Variants in CROCC observed in about 807,000 individuals in gnomAD.
CROCC encodes ciliary rootlet coiled-coil, rootletin.
Under a neutral mutation model 245.2 loss-of-function variants are expected in CROCC, and 180 were observed. The ratio of observed to expected loss-of-function variants is 0.73; its 90% confidence interval spans 0.65 to 0.83. The LOEUF (loss-of-function observed/expected upper bound fraction) is 0.83, where lower values mean the gene tolerates loss of function less well. Ranked by LOEUF, CROCC falls within the 40% of genes least tolerant of loss-of-function variation. The pLI, the probability that CROCC is intolerant of heterozygous loss-of-function variation, is 0.00. For missense variants in CROCC, 2,688 were observed against 2,779.4 expected, an observed-to-expected ratio of 0.97 and a Z score of 0.74; for synonymous variants, 1,205 against 1,241.6, an observed-to-expected ratio of 0.97 and a Z score of 0.62.
At chr1:16,955,026 A>C in intron 23 of CROCC, 149 bp downstream of exon 23, 1 of 1,103,616 alleles carries the variant, frequency 9.1e-7, no homozygotes, top group Non-Finnish European at 1.3e-6. Context: ...GGCAGCAAGC[A>C]CTACGAAGCA....
At position 16,946,899 on chromosome 1, in the gene CROCC, C is replaced by CTACG; in HGVS notation, c.2423_2426dup (p.Val810ThrfsTer20). 2 of 1,565,622 alleles carry CTACG rather than the reference C, an allele frequency of 1.3e-6. No homozygotes were observed. On this transcript the variant is annotated frameshift_variant, in exon 17 of 37. Transcript: ENST00000375541. LOFTEE classifies it high-confidence loss of function. ...GGCGCGGCAGGGCCTGGAGGGCTCC[C>CTACG]TACGAGTGGCGGAGCAGGCCCAGGA... is the stretch of plus-strand genomic sequence containing the variant.
At chr1:16,952,108 C>T (rs528974996) in intron 20 of CROCC, among the ~76,000 whole-genome samples, 13 of 151,426 alleles carry the variant, frequency 8.6e-5, no homozygotes, top group Admixed American at 4.6e-4. Flanking sequence ...CAGGGTGTCT[C>T]GAACTTTTGA....
intron 31 of CROCC, 52 bp from the exon 32 acceptor site, chr1:16,969,063 GT>G (rs1368175528): frequency 6.6e-7 from 1 of 1,523,020 alleles, no homozygotes; most frequent in East Asian, 2.4e-5. Flanking sequence ...GGGAGCAGAG[GT>G]ATAGAGGCCA....
At position 16,926,926 on chromosome 1, in the gene CROCC, G is replaced by A. The variant is rs34438479; in HGVS notation, c.351+2447G>A. Among the ~76,000 whole-genome samples the A allele has an allele frequency of 2.1e-3, 314 of 152,342 alleles. No homozygotes were observed. In the Middle Eastern group the frequency reaches 0.027, roughly 13 times the overall value. On this transcript the variant is annotated intron_variant, in intron 3 of 36. Coordinates refer to ENST00000375541, the MANE Select transcript of CROCC (RefSeq NM_014675.5). ...AAAATTGAAAGGCTGTTTTGCTCAC[G>A]GTGAAGTTTGTGGAAAGGGGTGAGG...
intron 25 of CROCC, among the ~76,000 whole-genome samples, chr1:16,957,786 A>G (rs1016404673): frequency 1.3e-5 from 2 of 152,174 alleles, no homozygotes; most frequent in Non-Finnish European, 2.9e-5. Context: ...TTTAATTACA[A>G]AAAAAGAGAT....
chr1:16,969,898 G>A lies in CROCC; in HGVS notation c.5415G>A (p.Arg1805=), dbSNP rs766972284. ...AGGTGGCTGACCTGGAACTGCAGCG[G>A]GTGGAGGCCGAGGGCCAGCTACAAC... is the stretch of plus-strand genomic sequence containing the variant. The part of the protein sequence containing the change: ...RGEVADLELQ[R]VEAEGQLQQL... The change falls in exon 33 of 37, where the codon CGG becomes CGA. Residue 1805 remains arginine (R), a synonymous_variant. Coordinates refer to ENST00000375541, the MANE Select transcript of CROCC (RefSeq NM_014675.5). The A allele has an allele frequency of 6.2e-7, 1 of 1,608,762 alleles. No homozygotes were observed.
At chr1:16,938,838 G>C (rs1192495372) in intron 11 of CROCC, 71 bp from the exon 12 acceptor site, 1 of 1,451,130 alleles carries the variant, frequency 6.9e-7, no homozygotes, top group African/African-American at 1.4e-5. Flanking sequence ...CCTCACCTGG[G>C]CGTCTTTGCC....
At chr1:16,947,494 A>T (rs1451466446) in intron 17 of CROCC, among the ~76,000 whole-genome samples, 1 of 151,430 alleles carries the variant, frequency 6.6e-6, no homozygotes, top group Non-Finnish European at 1.5e-5. Flanking sequence ...AATAATAATA[A>T]TAATAATGAT....
At chr1:16,971,276 T>A (rs2076514251) in intron 35 of CROCC, among the ~76,000 whole-genome samples, 189 bp from the exon 36 acceptor site, 1 of 147,846 alleles carries the variant, frequency 6.8e-6, no homozygotes, top group South Asian at 2.2e-4. Context: ...TGAGTGGGGG[T>A]CATTGGGTGC....
chr1:16,954,261 A>G lies in CROCC; in HGVS notation c.3225A>G (p.Ser1075=). 2 of 1,611,770 alleles carry G rather than the reference A, an allele frequency of 1.2e-6. No homozygotes were observed. Among genetic ancestry groups the G allele is most frequent in the Non-Finnish European group, 1.7e-6 (2 of 1,179,808 alleles). ...AGGAGTCTGAGAAGACGGCGCTGTCAGAGAAGTTGATGGGTACACGGCACA... is the reference window on the plus strand; with the variant it reads ...AGGAGTCTGAGAAGACGGCGCTGTCGGAGAAGTTGATGGGTACACGGCACA... ...SLKESEKTAL[S]EKLMGTRHSL... is the part of the protein sequence containing the mutation. Residue 1075 remains serine, a synonymous_variant, in exon 22 of 37, where the codon TCA becomes TCG. Coordinates refer to ENST00000375541, the MANE Select transcript of CROCC (RefSeq NM_014675.5). This position sits in a 1 kb window ranked among gnomAD's most constrained non-coding sequence, Gnocchi z 4.4.
In CROCC at chr1:16,948,425, A is replaced by G; in HGVS notation, c.2609A>G (p.Glu870Gly). 1 of 1,570,892 alleles carries G rather than the reference A, an allele frequency of 6.4e-7. No individual in the cohort carries two copies. The highest frequency in any genetic ancestry group is 8.6e-7 in the Non-Finnish European group (1 of 1,160,022). Residue 870 changes from glutamate to glycine, a missense_variant, in exon 18 of 37, where the codon GAG becomes GGG. By Grantham distance (98) the Glu-to-Gly change is moderately conservative. Transcript: ENST00000375541. ...GAGGCGCTGGAGCGAGCGGCCCGTG[A>G]GAAGGAGGCGCTAGCCAAGGAGCAC... ...QVEALERAAREKEALAKEHAG... is the reference protein window; with the variant it reads ...QVEALERAARGKEALAKEHAG...
chr1:16,955,590 G>T (rs373099109), intron 24 of CROCC, 40 bp downstream of exon 24: 92 of 1,442,442 alleles, frequency 6.4e-5, no homozygotes, highest in Non-Finnish European at 8.3e-5. Context: ...GTCCTCATGG[G>T]ATCCCATCCC....
chr1:16,922,203 C>A, intron 1 of CROCC, 125 bp downstream of exon 1: 2 of 1,022,630 alleles, frequency 2.0e-6, no homozygotes, highest in African/African-American at 1.6e-5. Context: ...GTGGGGTATA[C>A]AGGGGCCCCC....
Position 16,955,422 on chromosome 1 carries a change from G to C in CROCC, c.3576G>C (p.Glu1192Asp), listed in dbSNP as rs770785745. 3.1e-6 allele frequency: 5 copies of C among 1,601,438 alleles called. No individual in the cohort carries two copies. In the Admixed American group the frequency reaches 6.8e-5, roughly 22 times the overall value. The change falls in exon 24 of 37, where the codon GAG becomes GAC. Residue 1192 changes from glutamate (E) to aspartate (D), a missense_variant. By Grantham distance (45) the Glu-to-Asp change is conservative. Around this residue, in one of 9 missense-constraint regions of CROCC, gnomAD observed 1,218 missense variants for 1,286.3 expected, o/e 0.95. Transcript: ENST00000375541. ...TGCGTGAGAGCCAGGAGGGCCGGGA[G>C]GTGCAGCGCCAGGAGGCAGGCGAGC... is the stretch of plus-strand genomic sequence containing the variant. ...RKLRESQEGR[E>D]VQRQEAGELR...
intron 13 of CROCC, among the ~76,000 whole-genome samples, chr1:16,941,692 A>C (rs1396800906): frequency 1.8e-4 from 27 of 152,042 alleles, no homozygotes; most frequent in Admixed American, 4.6e-4. Context: ...AGATGGCGCC[A>C]CTGCACTCCA....
rs1472219799 is a variant in CROCC at position 16,972,423 on chromosome 1, C to G, written c.6031C>G (p.Pro2011Ala). ...AAGGAGCTCAGCACCCTTCTCCCCA[C>G]CCTCCGGCCCCCCAGAGAAATGAGC... Reference protein sequence around the residue: ...LRRSSAPFSPPSGPPEK With the variant: ...LRRSSAPFSPASGPPEK The change falls in exon 37 of 37, where the codon CCC becomes GCC. Residue 2011 changes from proline to alanine, a missense_variant. Around this residue, in one of 9 missense-constraint regions of CROCC, gnomAD observed 1,218 missense variants for 1,286.3 expected, o/e 0.95. Transcript: ENST00000375541. The G allele has an allele frequency of 1.2e-6, 2 of 1,613,178 alleles. No homozygotes were observed. The highest frequency in any genetic ancestry group is 1.7e-6 in the Non-Finnish European group (2 of 1,179,520).
chr1:16,930,830 TCTC>T (rs2075659557), intron 7 of CROCC, among the ~76,000 whole-genome samples: 1 of 152,290 alleles, frequency 6.6e-6, no homozygotes, highest in African/African-American at 2.4e-5. Context: ...GTGCTATCAT[TCTC>T]CTCATTTTAA....
chr1:16,953,377 C>T lies in CROCC; in HGVS notation c.3082C>T (p.Leu1028=), dbSNP rs778407840. 2.3e-5 allele frequency: 37 copies of T among 1,610,232 alleles called. No homozygotes were observed. The highest frequency in any genetic ancestry group is 3.0e-5 in the Non-Finnish European group (35 of 1,179,612). Reference sequence around the variant, plus strand: ...GCTGCAGCGTGAGCAGGAGGAGCTGCTGGCCCGGCTGGAGGCTGAGAAGGA... The same window carrying T: ...GCTGCAGCGTGAGCAGGAGGAGCTGTTGGCCCGGCTGGAGGCTGAGAAGGA... The part of the protein sequence containing the change: ...SQLQREQEEL[L]ARLEAEKEEL... The change falls in exon 21 of 37, where the codon CTG becomes TTG. Residue 1028 remains leucine, a synonymous_variant. Transcript: ENST00000375541.
rs987526127 is a variant in CROCC at position 16,953,289 on chromosome 1, C to T, written c.3007-13C>T. 1.3e-6 allele frequency: 2 copies of T among 1,569,162 alleles called. No homozygotes were observed. Among genetic ancestry groups the T allele is most frequent in the Non-Finnish European group, 1.7e-6 (2 of 1,159,670 alleles). On this transcript the variant is annotated splice_polypyrimidine_tract_variant and intron_variant, in intron 20 of 36. Coordinates refer to ENST00000375541, the MANE Select transcript of CROCC (RefSeq NM_014675.5). ...TCCTGGTGTGTCACAGGCATCCGGT[C>T]CTGGCCCCCTAGGAGGCAGCATGGC...
Sources: gnomAD v4.1 joint callset for allele counts (sites outside exome capture counted in the v4.1 genomes callset) on GRCh38, gnomAD v4.1.1 for gene constraint, gnomAD v4.1.1 regional missense constraint, Gnocchi (gnomAD v3.1) non-coding constraint, MANE v1.5 for transcripts, NCBI Gene and HGNC (gene_info 2026-07-23, HGNC 2026-07-21) for gene names.